The following PCLO variants were observed in gnomAD, a reference collection of about 807,000 sequenced individuals.
The protein encoded by PCLO is protein piccolo.
Under a neutral mutation model 427.5 loss-of-function variants are expected in PCLO, and 82 were observed. The ratio of observed to expected loss-of-function variants is 0.19; its 90% CI spans 0.16 to 0.23. The LOEUF (loss-of-function observed/expected upper bound fraction) is 0.23, where lower values mean the gene tolerates loss of function less well. Among genes scored for constraint, PCLO ranks in the 10% least tolerant of loss-of-function variants. The pLI is 1.00. For missense variants in PCLO, 6,239 were observed against 6,115.9 expected (o/e 1.02, Z -0.67); for synonymous variants, 2,357 against 2,155.4 (o/e 1.09, Z -2.59).
intron 3 of PCLO, among the ~76,000 whole-genome samples, chr7:83,003,969 G>T (rs1228384200): frequency 6.6e-6 from 1 of 151,322 alleles, no homozygotes; most frequent in Non-Finnish European, 1.5e-5. Context: ...GAAGTTATCT[G>T]GTATTGGGCT....
chr7:83,005,785 T>A (rs923797017), intron 3 of PCLO, among the ~76,000 whole-genome samples: 2 of 151,572 alleles, frequency 1.3e-5, no homozygotes, highest in Non-Finnish European at 1.5e-5. Context: ...GAGTTAAATA[T>A]TTTGCATGTT....
chr7:83,093,170 A>C (rs1367976536), intron 3 of PCLO, among the ~76,000 whole-genome samples: 1 of 151,810 alleles, frequency 6.6e-6, no homozygotes, highest in Admixed American at 6.6e-5. Flanking sequence ...ATTATTTCAC[A>C]TTTTGACAAA....
In PCLO at chr7:82,874,016, T is replaced by C. The variant is rs531341743; in HGVS notation, c.13654+5321A>G. Among the ~76,000 whole-genome samples the C allele has an allele frequency of 5.9e-5, 9 of 152,258 alleles. No individual in the cohort carries two copies. The East Asian group carries it at 1.5e-3, about 26-fold the overall frequency. ...TTTGTATACTATTTTAAAAAGATAATCGAAAGGTTTAGAAATATTGATGCT... is the reference window on the plus strand; with the variant it reads ...TTTGTATACTATTTTAAAAAGATAACCGAAAGGTTTAGAAATATTGATGCT... On this transcript the variant is annotated intron_variant, in intron 10 of 24. Transcript: ENST00000333891.
At chr7:83,017,469 C>T (rs1788236078) in intron 3 of PCLO, among the ~76,000 whole-genome samples, 2 of 151,884 alleles carry the variant, frequency 1.3e-5, no homozygotes, top group South Asian at 4.1e-4. Flanking sequence ...AGGAGTAATA[C>T]TCAGGACACA....
chr7:83,065,019 T>C (rs1048172266), intron 3 of PCLO, among the ~76,000 whole-genome samples: 1 of 149,206 alleles, frequency 6.7e-6, no homozygotes, highest in African/African-American at 2.5e-5. Context: ...TTTGTGTACA[T>C]TACCTCAGGC....
At chr7:83,094,482 T>C (rs1790481293) in intron 3 of PCLO, among the ~76,000 whole-genome samples, 1 of 152,148 alleles carries the variant, frequency 6.6e-6, no homozygotes, top group South Asian at 2.1e-4. Context: ...GCTTGGATTA[T>C]AGGCGTGAGC....
intron 2 of PCLO, among the ~76,000 whole-genome samples, chr7:83,136,815 GCTT>G (rs1390320203): frequency 1.3e-5 from 2 of 152,074 alleles, no homozygotes; most frequent in East Asian, 3.9e-4. Flanking sequence ...ATATGCAAAT[GCTT>G]TTTTGCATTG....
chr7:83,135,490 T>A lies in PCLO; in HGVS notation c.2060A>T (p.Asp687Val). 8.7e-6 allele frequency: 14 copies of A among 1,613,818 alleles called. No individual in the cohort carries two copies. Among genetic ancestry groups the A allele is most frequent in the Non-Finnish European group, 1.2e-5 (14 of 1,179,878 alleles). ...PQPQQTSPKK[D>V]AAPKQDLSKA... ...GGAGAGATCCTGTTTTGGTGCAGCATCCTTCTTTGGGGAAGTCTGCTGTGG... is the reference window on the plus strand; with the variant it reads ...GGAGAGATCCTGTTTTGGTGCAGCAACCTTCTTTGGGGAAGTCTGCTGTGG... The change falls in exon 3 of 25, where the codon GAT (aspartate) becomes GTT (valine). Residue 687 changes from aspartate (D) to valine (V), a missense_variant. By Grantham distance (152) the Asp-to-Val change is radical (BLOSUM62 -3). Transcript: ENST00000333891.
chr7:83,138,141 T>C (rs1238124159), intron 2 of PCLO, among the ~76,000 whole-genome samples: 1 of 152,182 alleles, frequency 6.6e-6, no homozygotes, highest in Admixed American at 6.5e-5. Context: ...AATTCTTACA[T>C]GTATAGTCAC....
chr7:82,781,012 T>A (rs2129468108), intron 22 of PCLO, among the ~76,000 whole-genome samples: 1 of 152,078 alleles, frequency 6.6e-6, no homozygotes. Flanking sequence ...TTTGTATGAG[T>A]TTTCTGAGAA....
chr7:83,046,571 T>A (rs1355946397), intron 3 of PCLO, among the ~76,000 whole-genome samples: 2 of 152,056 alleles, frequency 1.3e-5, no homozygotes, highest in African/African-American at 4.8e-5. Flanking sequence ...GGTCTTCCTG[T>A]GCTTTTGGAT....
At chr7:82,850,967 A>G (rs915640357) in intron 10 of PCLO, among the ~76,000 whole-genome samples, 3 of 152,116 alleles carry the variant, frequency 2.0e-5, no homozygotes, top group Non-Finnish European at 4.4e-5. Flanking sequence ...AAGCCATAAT[A>G]TATTACCTAA....
At chr7:83,017,273 G>A (rs576844988) in intron 3 of PCLO, among the ~76,000 whole-genome samples, 1 of 152,102 alleles carries the variant, frequency 6.6e-6, no homozygotes, top group East Asian at 1.9e-4. Context: ...AATTCATAAT[G>A]CAGTCATAGA....
intron 3 of PCLO, among the ~76,000 whole-genome samples, chr7:83,016,675 A>G (rs1365510865): frequency 6.6e-6 from 1 of 152,136 alleles, no homozygotes; most frequent in Non-Finnish European, 1.5e-5. Flanking sequence ...GAGAGACATC[A>G]CTGGAGTATT....
intron 3 of PCLO, among the ~76,000 whole-genome samples, chr7:83,024,772 C>T (rs1279871598): frequency 6.6e-6 from 1 of 152,200 alleles, no homozygotes; most frequent in Non-Finnish European, 1.5e-5. Flanking sequence ...AACGGGCAGA[C>T]TGCCTCCTCA....
chr7:83,097,205 A>T (rs1294006898), intron 3 of PCLO, among the ~76,000 whole-genome samples: 1 of 127,964 alleles, frequency 7.8e-6, no homozygotes, highest in Admixed American at 1.1e-4. Context: ...TATTATATAA[A>T]TTATATAAAT....
At chr7:83,102,260 AC>A (rs1790755483) in intron 3 of PCLO, among the ~76,000 whole-genome samples, 1 of 131,488 alleles carries the variant, frequency 7.6e-6, no homozygotes, top group African/African-American at 2.8e-5. Flanking sequence ...ATGACCTCAA[AC>A]CTTCAACAAA....
chr7:82,847,248 C>T lies in PCLO; in HGVS notation c.13655-1G>A. 6.5e-7 allele frequency: 1 copy of T among 1,527,616 alleles called. No individual in the cohort carries two copies. Among genetic ancestry groups the T allele is most frequent in the Non-Finnish European group, 9.0e-7 (1 of 1,113,998 alleles). The allele number at this position is 1,527,616 out of a possible 1,614,324, so 94.6% of individuals were successfully genotyped here. ...CCATTCCATTCCAATACTTGCATCCCTAGAAAGACAAATTTGAATATAAAA... is the reference window on the plus strand; with the variant it reads ...CCATTCCATTCCAATACTTGCATCCTTAGAAAGACAAATTTGAATATAAAA... On this transcript the variant is annotated splice_acceptor_variant, in intron 10 of 24. Coordinates refer to ENST00000333891, the MANE Select transcript of PCLO (RefSeq NM_033026.6). LOFTEE classifies it high-confidence loss of function.
intron 20 of PCLO, among the ~76,000 whole-genome samples, chr7:82,817,777 T>G (rs1188807786): frequency 6.6e-6 from 1 of 152,158 alleles, no homozygotes; most frequent in Non-Finnish European, 1.5e-5. Context: ...AATAATTTAT[T>G]GTCTCACCTA....
Sources: gnomAD v4.1 joint callset for allele counts (sites outside exome capture counted in the v4.1 genomes callset) on GRCh38, gnomAD v4.1.1 for gene constraint, MANE v1.5 for transcripts, NCBI Gene and HGNC (gene_info 2026-07-23, HGNC 2026-07-21) for gene names.